The following PPP4R2 variants were observed in gnomAD, a reference collection of about 807,000 sequenced individuals.
PPP4R2 encodes the protein protein phosphatase 4 regulatory subunit 2.
In PPP4R2, 13 loss-of-function variants were observed where a neutral mutation model predicts 47.2. The ratio of observed to expected loss-of-function variants is 0.28; its 90% confidence interval spans 0.18 to 0.44. The LOEUF (loss-of-function observed/expected upper bound fraction) is 0.44, where lower values mean the gene tolerates loss of function less well. PPP4R2 is among the 20% of genes least tolerant of loss of function. The probability of loss-of-function intolerance (pLI) is 1.00; values close to 1 mark genes in which losing one functional copy is unlikely to be tolerated. For synonymous variants in PPP4R2, 151 were observed against 163.3 expected (o/e 0.92, Z 0.57); for missense variants, 421 against 491.2 (o/e 0.86, Z 1.35).
chr3:73,032,202 T>A (rs1294144361), intron 2 of PPP4R2, among the ~76,000 whole-genome samples: 2 of 152,220 alleles, frequency 1.3e-5, no homozygotes, highest in East Asian at 3.8e-4. Context: ...CTTTCTTTTA[T>A]TTCTTTTTCT....
intron 2 of PPP4R2, among the ~76,000 whole-genome samples, chr3:73,037,015 T>G (rs1702276677): frequency 6.6e-6 from 1 of 152,238 alleles, no homozygotes. Context: ...TAAGCTTTAA[T>G]CATTTACATA....
intron 2 of PPP4R2, among the ~76,000 whole-genome samples, chr3:73,008,077 T>A (rs1701650704): frequency 9.0e-6 from 1 of 111,336 alleles, no homozygotes; most frequent in Admixed American, 1.2e-4. Flanking sequence ...TTTTTTTCCC[T>A]TAATCTTGCT....
At chr3:73,019,815 TTCTG>T (rs1238032628) in intron 2 of PPP4R2, among the ~76,000 whole-genome samples, 2 of 152,206 alleles carry the variant, frequency 1.3e-5, no homozygotes, top group Non-Finnish European at 2.9e-5. Context: ...TATGTCCAGA[TTCTG>T]TCTATTTGTC....
At chr3:73,035,800 A>G (rs1702251432) in intron 2 of PPP4R2, among the ~76,000 whole-genome samples, 1 of 151,938 alleles carries the variant, frequency 6.6e-6, no homozygotes, top group Admixed American at 6.6e-5. Flanking sequence ...TAATTTTTAT[A>G]TTTTTAGTAG....
chr3:73,049,743 GTATTATA>G (rs1354836970), intron 3 of PPP4R2, among the ~76,000 whole-genome samples: 1 of 149,706 alleles, frequency 6.7e-6, no homozygotes, highest in South Asian at 2.1e-4. Flanking sequence ...ACAAATACAT[GTATTATA>G]TATTATATAT....
At chr3:72,997,140 G>T (rs991636748) in intron 1 of PPP4R2, 69 bp downstream of exon 1, 1 of 1,230,016 alleles carries the variant, frequency 8.1e-7, no homozygotes, top group African/African-American at 1.6e-5. Flanking sequence ...CTTTCAGGGC[G>T]GATGGTTCCG....
chr3:73,004,375 A>T (rs2107206545), intron 2 of PPP4R2, among the ~76,000 whole-genome samples: 1 of 152,282 alleles, frequency 6.6e-6, no homozygotes, highest in East Asian at 1.9e-4. Flanking sequence ...CTTTGGCTGG[A>T]AGTAAAATCT....
chr3:73,062,706 C>G, intron 5 of PPP4R2: 2 of 1,613,994 alleles, frequency 1.2e-6, no homozygotes, highest in Non-Finnish European at 1.7e-6. Context: ...TCTCCAAGTT[C>G]AGAGACGATT....
At chr3:73,060,618 A>T (rs1312756987) in intron 4 of PPP4R2, among the ~76,000 whole-genome samples, 1 of 152,208 alleles carries the variant, frequency 6.6e-6, no homozygotes, top group African/African-American at 2.4e-5. Flanking sequence ...GGGATATATG[A>T]TGCAACACAA....
rs1159957672 is a variant in PPP4R2 at position 73,064,974 on chromosome 3, G to A, written c.761G>A (p.Gly254Asp). 6.2e-7 allele frequency: 1 copy of A among 1,613,736 alleles called. No homozygotes were observed. Among genetic ancestry groups the A allele is most frequent in the African/African-American group, 1.3e-5 (1 of 74,904 alleles). ...EVKRLRFDKE[G>D]EVRETASQTT... ...AAAAGACTCAGGTTTGACAAAGAAG[G>A]TGAAGTCAGAGAAACAGCCAGTCAA... The change falls in exon 8 of 9, where the codon GGT (glycine) becomes GAT (aspartate). Residue 254 changes from glycine to aspartate, a missense_variant. Gly to Asp is a moderately conservative substitution (Grantham distance 94). Coordinates refer to ENST00000356692, the MANE Select transcript of PPP4R2 (RefSeq NM_174907.4).
intron 2 of PPP4R2, among the ~76,000 whole-genome samples, chr3:73,031,383 T>C (rs1054693879): frequency 7.2e-5 from 11 of 151,854 alleles, no homozygotes; most frequent in African/African-American, 2.7e-4. Context: ...CTGCTAATAA[T>C]ACAAAAAGAA....
At position 72,998,273 on chromosome 3, in the gene PPP4R2, G is replaced by T; in HGVS notation, c.116+115G>T. 3 of 637,668 alleles carry T rather than the reference G, an allele frequency of 4.7e-6. No individual in the cohort carries two copies. The South Asian group carries it at 7.0e-5, about 15-fold the overall frequency. The allele number at this position is 637,668 out of a possible 1,614,324, so 39.5% of individuals were successfully genotyped here. A position where few individuals can be genotyped will look rare whatever the true frequency, so the allele number is the denominator to read the frequency against. ...AAATAATTCATTCTAAATTGTAGAA[G>T]TCCTGGTCATTTAAATAATTTATAT... On this transcript the variant is annotated intron_variant, in intron 2 of 8. Transcript: ENST00000356692.
chr3:73,052,883 C>T (rs1702648677), intron 3 of PPP4R2, among the ~76,000 whole-genome samples: 2 of 152,202 alleles, frequency 1.3e-5, no homozygotes, highest in Admixed American at 6.5e-5. Flanking sequence ...TAAGCAGGTA[C>T]AGTCAGTCAC....
intron 2 of PPP4R2, among the ~76,000 whole-genome samples, chr3:73,004,923 TTGTGTGTTTTGAGTCGGAGTCG>T (rs1353211937): frequency 8.6e-5 from 12 of 140,060 alleles, no homozygotes; most frequent in African/African-American, 3.2e-4. Context: ...GTGTGTGTGT[TTGTGTGTTTTGAGTCGGAGTCG>T]TGTGTGTGTG....
At chr3:73,001,737 C>G (rs1349422703) in intron 2 of PPP4R2, among the ~76,000 whole-genome samples, 1 of 152,084 alleles carries the variant, frequency 6.6e-6, no homozygotes, top group African/African-American at 2.4e-5. Flanking sequence ...CTCCTGAGTT[C>G]AAGCGATTCT....
intron 2 of PPP4R2, among the ~76,000 whole-genome samples, chr3:73,039,832 A>G (rs1391114182): frequency 6.6e-6 from 1 of 152,098 alleles, no homozygotes; most frequent in Non-Finnish European, 1.5e-5. Context: ...GCGGCGAATC[A>G]CCTGAAGTGT....
chr3:73,041,222 A>G (rs1246815125), intron 2 of PPP4R2, among the ~76,000 whole-genome samples: 1 of 152,162 alleles, frequency 6.6e-6, no homozygotes, highest in Admixed American at 6.5e-5. Context: ...CCACTGATCT[A>G]TTTTAATGTT....
chr3:73,065,877 G>A lies in PPP4R2; in HGVS notation c.*155G>A. On this transcript the variant is annotated 3_prime_UTR_variant, in exon 9 of 9. Coordinates refer to ENST00000356692, the MANE Select transcript of PPP4R2 (RefSeq NM_174907.4). ...GATAATTCCTGAAAGAGTTGTACATGTAAGAACTGTGAATATCAGCTCCTC... is the reference window on the plus strand; with the variant it reads ...GATAATTCCTGAAAGAGTTGTACATATAAGAACTGTGAATATCAGCTCCTC... 2.0e-6 allele frequency: 1 copy of A among 504,806 alleles called. No individual in the cohort carries two copies. Among genetic ancestry groups the A allele is most frequent in the South Asian group, 3.7e-5 (1 of 27,172 alleles). 31.3% of individuals were successfully genotyped at this position (504,806 alleles called of 1,614,324 possible).
At chr3:73,063,928 T>C in intron 6 of PPP4R2, 75 bp from the exon 7 acceptor site, 2 of 1,343,756 alleles carry the variant, frequency 1.5e-6, no homozygotes, top group South Asian at 2.7e-5. Flanking sequence ...TTCTGTGATG[T>C]ATTCACATCA....
Sources: gnomAD v4.1 joint callset for allele counts (sites outside exome capture counted in the v4.1 genomes callset) on GRCh38, gnomAD v4.1.1 for gene constraint, MANE v1.5 for transcripts, NCBI Gene and HGNC (gene_info 2026-07-23, HGNC 2026-07-21) for gene names.